Variants in VPS13D observed in about 807,000 individuals in gnomAD.
VPS13D encodes the protein intermembrane lipid transfer protein VPS13D.
Under a neutral mutation model 461.9 loss-of-function variants are expected in VPS13D, and 187 were observed. The observed-to-expected ratio is 0.40, with a 90% CI of 0.36 to 0.46. The LOEUF is 0.46. Among genes scored for constraint, VPS13D ranks in the 20% least tolerant of loss-of-function variants. VPS13D has a pLI of 0.60. For missense variants in VPS13D, 4,711 were observed against 5,364.9 expected, an observed-to-expected ratio of 0.88 and a Z score of 3.81; for synonymous variants, 1,951 against 1,986.3, an observed-to-expected ratio of 0.98 and a Z score of 0.47.
intron 65 of VPS13D, among the ~76,000 whole-genome samples, chr1:12,432,655 G>T (rs1370151393): frequency 6.6e-6 from 1 of 150,572 alleles, no homozygotes; most frequent in Non-Finnish European, 1.5e-5. Context: ...AAGTGCAATG[G>T]CACCATCTTG....
At chr1:12,399,304 C>G (rs533685858) in intron 60 of VPS13D, among the ~76,000 whole-genome samples, 2 of 150,602 alleles carry the variant, frequency 1.3e-5, no homozygotes, top group South Asian at 4.2e-4. Context: ...TCAAGTGATT[C>G]TCCTGCCTCA....
intron 40 of VPS13D, among the ~76,000 whole-genome samples, chr1:12,341,162 A>T (rs534607400): frequency 6.6e-6 from 1 of 152,194 alleles, no homozygotes; most frequent in Non-Finnish European, 1.5e-5. Flanking sequence ...TATGGCTTCC[A>T]TGGTACCCAC....
intron 65 of VPS13D, among the ~76,000 whole-genome samples, chr1:12,434,892 C>T (rs1339242170): frequency 6.6e-6 from 1 of 152,170 alleles, no homozygotes; most frequent in African/African-American, 2.4e-5. Context: ...TGTCTGTGGT[C>T]TGATAAGGAG....
chr1:12,301,370 T>G (rs1642420673), intron 25 of VPS13D, among the ~76,000 whole-genome samples: 1 of 152,240 alleles, frequency 6.6e-6, no homozygotes, highest in Non-Finnish European at 1.5e-5. Context: ...AGCTTGGGGT[T>G]CCCACAATGC....
At chr1:12,361,691 G>A (rs945824676) in intron 50 of VPS13D, among the ~76,000 whole-genome samples, 2 of 151,982 alleles carry the variant, frequency 1.3e-5, no homozygotes, top group East Asian at 1.9e-4. Flanking sequence ...CACCACGCCC[G>A]GCCTGAATTT....
intron 2 of VPS13D, among the ~76,000 whole-genome samples, chr1:12,241,844 G>A (rs1007982512): frequency 6.6e-6 from 1 of 152,058 alleles, no homozygotes; most frequent in Non-Finnish European, 1.5e-5. Context: ...GGAGGGGTTG[G>A]GGGTGGAAGG....
intron 65 of VPS13D, among the ~76,000 whole-genome samples, chr1:12,422,863 T>C (rs1239005449): frequency 3.3e-5 from 5 of 152,092 alleles, no homozygotes; most frequent in African/African-American, 4.8e-5. Flanking sequence ...TTTTTTTTTT[T>C]TTCTTACAGG....
chr1:12,486,438 A>G (rs1645797955), intron 67 of VPS13D, among the ~76,000 whole-genome samples: 1 of 152,256 alleles, frequency 6.6e-6, no homozygotes, highest in Admixed American at 6.5e-5. Context: ...TCCCTTGGTC[A>G]GATGGTTCTG....
At chr1:12,338,180 A>G in intron 39 of VPS13D, 51 bp from the exon 40 acceptor site, 1 of 1,499,208 alleles carries the variant, frequency 6.7e-7, no homozygotes, top group Admixed American at 1.7e-5. Flanking sequence ...AAGTCTTCTT[A>G]TTTCACTGTA....
chr1:12,292,435 CT>C (rs886615855), intron 23 of VPS13D, among the ~76,000 whole-genome samples: 118 of 96,920 alleles, frequency 1.2e-3, no homozygotes, highest in African/African-American at 2.2e-3. Flanking sequence ...TGCTCAGTCT[CT>C]TTTTTTTTTT....
chr1:12,398,284 C>T (rs1410029784), intron 60 of VPS13D, among the ~76,000 whole-genome samples: 1 of 152,112 alleles, frequency 6.6e-6, no homozygotes, highest in Non-Finnish European at 1.5e-5. Flanking sequence ...GGATTCGGTG[C>T]CAGAAATCTC....
At chr1:12,474,659 C>T (rs911125341) in intron 67 of VPS13D, among the ~76,000 whole-genome samples, 5 of 152,200 alleles carry the variant, frequency 3.3e-5, no homozygotes, top group African/African-American at 1.2e-4. Flanking sequence ...ATCGTAATGC[C>T]TTGAGCCTTT....
At chr1:12,328,920 C>T (rs532322429) in intron 36 of VPS13D, among the ~76,000 whole-genome samples, 5 of 152,166 alleles carry the variant, frequency 3.3e-5, no homozygotes, top group Admixed American at 6.5e-5. Context: ...TCTTGCCAGC[C>T]TCTTCTTCCT....
intron 65 of VPS13D, among the ~76,000 whole-genome samples, chr1:12,421,532 A>G (rs1361287051): frequency 6.6e-6 from 1 of 152,184 alleles, no homozygotes; most frequent in Non-Finnish European, 1.5e-5. Flanking sequence ...TTCCTCTCTT[A>G]TAGACTCTAG....
At chr1:12,317,822 A>G (rs755655909) in intron 30 of VPS13D, among the ~76,000 whole-genome samples, 2 of 152,150 alleles carry the variant, frequency 1.3e-5, no homozygotes, top group East Asian at 3.8e-4. Flanking sequence ...TATACTACCT[A>G]TGCTGCTTTC....
intron 65 of VPS13D, among the ~76,000 whole-genome samples, chr1:12,425,059 C>T (rs1431837133): frequency 6.6e-6 from 1 of 152,112 alleles, no homozygotes; most frequent in Non-Finnish European, 1.5e-5. Flanking sequence ...TTTGGCCTTT[C>T]TTGAAAAATT....
At chr1:12,433,693 C>G (rs551881194) in intron 65 of VPS13D, among the ~76,000 whole-genome samples, 3 of 152,276 alleles carry the variant, frequency 2.0e-5, no homozygotes, top group East Asian at 1.9e-4. Flanking sequence ...TGGGCACCTG[C>G]TGGGGCAGCT....
intron 67 of VPS13D, among the ~76,000 whole-genome samples, chr1:12,461,276 A>G (rs1325736436): frequency 6.6e-6 from 1 of 152,138 alleles, no homozygotes; most frequent in East Asian, 1.9e-4. Context: ...GCCCACATCC[A>G]CACCCTATCA....
At chr1:12,333,441 T>A (rs1643379428) in intron 38 of VPS13D, 75 bp downstream of exon 38, 1 of 1,559,698 alleles carries the variant, frequency 6.4e-7, no homozygotes, top group Admixed American at 1.8e-5. Flanking sequence ...CTATTAATCC[T>A]GGTTTAGCAA....
Sources: allele counts gnomAD v4.1 joint callset (sites outside exome capture counted in the v4.1 genomes callset), GRCh38; gene constraint gnomAD v4.1.1; transcripts MANE v1.5; gene names NCBI Gene and HGNC (gene_info 2026-07-23, HGNC 2026-07-21).